Variants in SEL1L3 observed in about 807,000 individuals in gnomAD.
SEL1L3 encodes protein sel-1 homolog 3.
In SEL1L3, 76 loss-of-function variants were observed where a neutral mutation model predicts 142.8. The ratio of observed to expected loss-of-function variants is 0.53; its 90% CI spans 0.44 to 0.64. The LOEUF is 0.64. Among genes scored for constraint, SEL1L3 ranks in the 30% least tolerant of loss-of-function variants. SEL1L3 has a pLI of 0.00. For missense variants in SEL1L3, 1,262 were observed against 1,381.7 expected (o/e 0.91, Z 1.37); for synonymous variants, 504 against 519.6 (o/e 0.97, Z 0.41).
At chr4:25,862,514 A>G (rs1717791368) in intron 1 of SEL1L3, among the ~76,000 whole-genome samples, 161 bp downstream of exon 1, 1 of 152,058 alleles carries the variant, frequency 6.6e-6, no homozygotes, top group Admixed American at 6.5e-5. Context: ...CGCCCGGGGT[A>G]CCTATCCCAG....
At chr4:25,742,002 G>A in the SEL1L3 span, among the ~76,000 whole-genome samples, 1 of 151,646 alleles carries the variant, frequency 6.6e-6, no homozygotes, top group Non-Finnish European at 1.5e-5. Flanking sequence ...AGTAGAGATG[G>A]GGTTTCACCA....
chr4:25,716,332 G>A, the SEL1L3 span, among the ~76,000 whole-genome samples: 3 of 152,202 alleles, frequency 2.0e-5, no homozygotes, highest in South Asian at 6.2e-4. Context: ...AGTTGATTGG[G>A]AAACGTTTTA....
chr4:25,790,322 T>C, intron 12 of SEL1L3, 133 bp downstream of exon 12: 1 of 844,974 alleles, frequency 1.2e-6, no homozygotes, highest in Non-Finnish European at 1.9e-6. Context: ...CAACCCCTAT[T>C]GGACATGCAG....
At chr4:25,768,716 C>T (rs1375271741) in intron 17 of SEL1L3, among the ~76,000 whole-genome samples, 2 of 151,978 alleles carry the variant, frequency 1.3e-5, no homozygotes, top group Non-Finnish European at 2.9e-5. Flanking sequence ...GAAATTAACC[C>T]ATAGTGCAGC....
chr4:25,729,034 G>A, the SEL1L3 span, among the ~76,000 whole-genome samples: 11 of 151,056 alleles, frequency 7.3e-5, no homozygotes, highest in African/African-American at 1.7e-4. Context: ...GTCACCAGAC[G>A]TTTTTTTTTC....
At chr4:25,851,496 A>G (rs1716893714) in intron 1 of SEL1L3, among the ~76,000 whole-genome samples, 2 of 152,182 alleles carry the variant, frequency 1.3e-5, no homozygotes, top group Admixed American at 1.3e-4. Flanking sequence ...ACCAGGAGAC[A>G]GAATAAGAGA....
At chr4:25,719,900 G>A in the SEL1L3 span, 1 of 151,864 alleles carries the variant, frequency 6.6e-6, no homozygotes, top group Non-Finnish European at 1.5e-5. Flanking sequence ...AGTTATGAGA[G>A]GATTTATGAT....
chr4:25,786,348 T>C (rs1469805028), intron 13 of SEL1L3, among the ~76,000 whole-genome samples: 1 of 152,176 alleles, frequency 6.6e-6, no homozygotes, highest in Non-Finnish European at 1.5e-5. Context: ...CCTGAGATGC[T>C]AGTAAAGGGC....
intron 23 of SEL1L3, among the ~76,000 whole-genome samples, chr4:25,749,661 T>G (rs1577547066): frequency 1.3e-5 from 2 of 152,164 alleles, no homozygotes; most frequent in African/African-American, 4.8e-5. Flanking sequence ...GCATGTTGTT[T>G]AAAAAATTAC....
intron 1 of SEL1L3, among the ~76,000 whole-genome samples, chr4:25,853,276 A>G (rs1160114134): frequency 2.0e-5 from 3 of 152,170 alleles, no homozygotes; most frequent in Non-Finnish European, 2.9e-5. Context: ...AGGCATATAC[A>G]CATTTCACCG....
chr4:25,762,136 A>G (rs1718415383), intron 20 of SEL1L3, among the ~76,000 whole-genome samples: 1 of 152,150 alleles, frequency 6.6e-6, no homozygotes. Flanking sequence ...TTTAGCAGAG[A>G]TGGGGTTTCA....
chr4:25,848,565 A>C (rs998347584), intron 1 of SEL1L3, among the ~76,000 whole-genome samples: 9 of 152,236 alleles, frequency 5.9e-5, no homozygotes, highest in Non-Finnish European at 1.2e-4. Context: ...GGTTTTGAGC[A>C]TGAGGTGCTG....
At chr4:25,773,864 G>A (rs2109152241) in intron 17 of SEL1L3, among the ~76,000 whole-genome samples, 1 of 152,174 alleles carries the variant, frequency 6.6e-6, no homozygotes, top group Non-Finnish European at 1.5e-5. Flanking sequence ...TCCCTGCCTG[G>A]CTAAGTGGAA....
chr4:25,792,553 C>G (rs1712424038), intron 11 of SEL1L3, among the ~76,000 whole-genome samples: 1 of 152,232 alleles, frequency 6.6e-6, no homozygotes, highest in African/African-American at 2.4e-5. Context: ...TGGAATTGTG[C>G]TGAAGCCTGA....
the SEL1L3 span, among the ~76,000 whole-genome samples, chr4:25,715,480 G>A: frequency 1.3e-5 from 2 of 152,086 alleles, no homozygotes; most frequent in Non-Finnish European, 2.9e-5. Context: ...GCTGTGGGGA[G>A]CAAATTTTTA....
intron 15 of SEL1L3, 124 bp downstream of exon 15, chr4:25,782,118 T>C: frequency 1.2e-6 from 1 of 832,700 alleles, no homozygotes; most frequent in South Asian, 1.8e-5. Context: ...TACGAGACCC[T>C]CTGAGCTCCT....
At position 25,862,645 on chromosome 4, in the gene SEL1L3, G is replaced by T. The variant is rs1717806227; in HGVS notation, c.162+30C>A. On this transcript the variant is annotated intron_variant, in intron 1 of 23. Coordinates refer to ENST00000399878, the MANE Select transcript of SEL1L3 (RefSeq NM_015187.5). ...CGCGTCCCCGGGGCCCCGCGCGGAG[G>T]GGAAGACCCGGGCAGGGTCCGGCGC... 5 of 1,213,524 alleles carry T rather than the reference G, an allele frequency of 4.1e-6. No individual in the cohort carries two copies. In the East Asian group the frequency reaches 1.3e-4, roughly 33 times the overall value. 75.2% of individuals were successfully genotyped at this position (1,213,524 alleles called of 1,614,324 possible).
the SEL1L3 span, among the ~76,000 whole-genome samples, chr4:25,737,277 C>T: frequency 1.4e-3 from 208 of 152,300 alleles, no homozygotes; most frequent in African/African-American, 4.7e-3. Flanking sequence ...GTCACCACGC[C>T]CAGCCTCAGA....
the SEL1L3 span, among the ~76,000 whole-genome samples, chr4:25,734,638 G>A: frequency 5.9e-5 from 9 of 151,744 alleles, no homozygotes; most frequent in Middle Eastern, 0.01. Context: ...GCCTGATCTC[G>A]GCTTACTGCA....
Sources: gnomAD v4.1 joint callset for allele counts (sites outside exome capture counted in the v4.1 genomes callset) on GRCh38, gnomAD v4.1.1 for gene constraint, MANE v1.5 for transcripts, NCBI Gene and HGNC (gene_info 2026-07-23, HGNC 2026-07-21) for gene names.